The following CAMK1D variants were observed in gnomAD, a reference collection of about 807,000 sequenced individuals.
CAMK1D encodes calcium/calmodulin dependent protein kinase ID, also known as calcium/calmodulin-dependent protein kinase type 1D.
A neutral mutation model predicts 47.7 loss-of-function variants in CAMK1D; 9 were observed. The observed-to-expected ratio is 0.19, with a 90% CI of 0.11 to 0.33. The LOEUF is 0.33. Among genes scored for constraint, CAMK1D ranks in the 10% least tolerant of loss-of-function variants. CAMK1D has a pLI of 1.00. For missense variants in CAMK1D, 291 were observed against 488.7 expected, an observed-to-expected ratio of 0.60 and a Z score of 3.81; for synonymous variants, 184 against 184.9, an observed-to-expected ratio of 0.99 and a Z score of 0.04.
intron 2 of CAMK1D, among the ~76,000 whole-genome samples, chr10:12,645,806 A>T (rs1192484926): frequency 6.6e-6 from 1 of 152,170 alleles, no homozygotes; most frequent in Non-Finnish European, 1.5e-5. Flanking sequence ...TGAGTATTTA[A>T]AAAATAGCTT....
intron 2 of CAMK1D, among the ~76,000 whole-genome samples, chr10:12,648,773 T>G (rs2132504744): frequency 6.6e-6 from 1 of 152,296 alleles, no homozygotes; most frequent in East Asian, 1.9e-4. Flanking sequence ...ACCCGGTCTC[T>G]CTTTTTATTT....
intron 3 of CAMK1D, among the ~76,000 whole-genome samples, chr10:12,687,437 C>T (rs1054759423): frequency 7.9e-5 from 12 of 152,142 alleles, no homozygotes; most frequent in South Asian, 2.1e-4. Context: ...ATTCCCGTTA[C>T]GACTTCAATA....
chr10:12,734,004 G>A (rs1178353919), intron 3 of CAMK1D, among the ~76,000 whole-genome samples: 1 of 150,062 alleles, frequency 6.7e-6, no homozygotes, highest in Non-Finnish European at 1.5e-5. Context: ...TAGATCTCTT[G>A]TGCTTCCCCT....
intron 1 of CAMK1D, among the ~76,000 whole-genome samples, chr10:12,390,466 T>G (rs2131889502): frequency 6.6e-6 from 1 of 152,310 alleles, no homozygotes. Context: ...GTCTCTGTCT[T>G]TATCTCTGTC....
At position 12,825,682 on chromosome 10, in the gene CAMK1D, A is replaced by G. The variant is rs1281990165; in HGVS notation, c.1031A>G (p.Gln344Arg). Residue 344 changes from glutamine (Q) to arginine (R), a missense_variant, in exon 10 of 11, where the codon CAA becomes CGA. Gln to Arg is a conservative substitution (Grantham distance 43). This residue lies in a region of CAMK1D where 72 missense variants were observed against 64.4 expected (regional missense o/e 1.12). Coordinates refer to ENST00000619168, the MANE Select transcript of CAMK1D (RefSeq NM_153498.4). ...SVSSSLSLAS[Q>R]KDCLAPSTLC... ...TCGAGCAGCCTCAGTTTGGCCAGCC[A>G]AAAAGACTGTGCGTATGTAGCAAAA... is the stretch of plus-strand genomic sequence containing the variant. 1 of 1,614,254 alleles carries G rather than the reference A, an allele frequency of 6.2e-7. No homozygotes were observed. Among genetic ancestry groups the G allele is most frequent in the Non-Finnish European group, 8.5e-7 (1 of 1,180,034 alleles).
intron 1 of CAMK1D, among the ~76,000 whole-genome samples, chr10:12,458,136 C>T (rs185137898): frequency 7.9e-4 from 121 of 152,330 alleles, no homozygotes; most frequent in African/African-American, 2.6e-3. Context: ...TTCATTCATT[C>T]ATTCAATCTG....
intron 2 of CAMK1D, among the ~76,000 whole-genome samples, chr10:12,569,358 G>A (rs1381560789): frequency 6.6e-6 from 1 of 151,826 alleles, no homozygotes; most frequent in African/African-American, 2.4e-5. Context: ...TTGTTATTTC[G>A]AACTCTGTTT....
intron 1 of CAMK1D, among the ~76,000 whole-genome samples, chr10:12,520,795 A>G (rs1218364931): frequency 6.6e-5 from 3 of 45,662 alleles, no homozygotes; most frequent in African/African-American, 8.8e-5. Context: ...CAGGCGTGGC[A>G]GCGCGCGCCT....
chr10:12,776,304 C>G (rs1352486734), intron 5 of CAMK1D, among the ~76,000 whole-genome samples: 1 of 152,228 alleles, frequency 6.6e-6, no homozygotes, highest in Non-Finnish European at 1.5e-5. Context: ...GTGCAGTTGT[C>G]TTTGCTGGAG....
chr10:12,562,729 G>A (rs1312823967), intron 2 of CAMK1D, among the ~76,000 whole-genome samples: 2 of 152,112 alleles, frequency 1.3e-5, no homozygotes, highest in Non-Finnish European at 2.9e-5. Flanking sequence ...GAGATTCCAC[G>A]GCACCAAGGT....
intron 5 of CAMK1D, among the ~76,000 whole-genome samples, chr10:12,777,709 G>T (rs918008654): frequency 1.3e-5 from 2 of 152,108 alleles, no homozygotes; most frequent in Non-Finnish European, 2.9e-5. Flanking sequence ...GTGGCCCTGT[G>T]GTCAGAGGAA....
chr10:12,552,567 C>T (rs559641374), intron 1 of CAMK1D, among the ~76,000 whole-genome samples: 1 of 152,234 alleles, frequency 6.6e-6, no homozygotes, highest in African/African-American at 2.4e-5. Flanking sequence ...AGGATCCAGT[C>T]CTTTTCTGTA....
intron 3 of CAMK1D, among the ~76,000 whole-genome samples, chr10:12,693,676 C>G: frequency 6.6e-6 from 1 of 151,160 alleles, no homozygotes. Flanking sequence ...CTACCTGGCC[C>G]GCTCTGTTGA....
chr10:12,682,240 CAAAA>C (rs1236960216), intron 3 of CAMK1D, among the ~76,000 whole-genome samples: 1 of 133,802 alleles, frequency 7.5e-6, no homozygotes, highest in Non-Finnish European at 1.7e-5. Flanking sequence ...CAAAACAAAA[CAAAA>C]AAAAGTTAGT....
intron 2 of CAMK1D, among the ~76,000 whole-genome samples, chr10:12,557,551 CAAAAAAAA>C (rs5783273): frequency 3.8e-4 from 32 of 84,436 alleles, no homozygotes; most frequent in Middle Eastern, 5.2e-3. Context: ...GACTCCATCT[CAAAAAAAA>C]AAAAAAAAAA....
At position 12,779,822 on chromosome 10, in the gene CAMK1D, A is replaced by G. The variant is rs186469209; in HGVS notation, c.565+10023A>G. 1.2e-4 allele frequency among the ~76,000 whole-genome samples: 19 copies of G among 152,240 alleles called. No homozygotes were observed. In the East Asian group the frequency reaches 3.7e-3, roughly 29 times the overall value. ...ACAACCACAGCCACACTATTCCATT[A>G]CGGATGTCACTCAGAAATAAGAAGG... On this transcript the variant is annotated intron_variant, in intron 5 of 10. Transcript: ENST00000619168.
intron 1 of CAMK1D, among the ~76,000 whole-genome samples, chr10:12,461,163 C>T (rs1041563924): frequency 1.2e-4 from 19 of 152,292 alleles, no homozygotes; most frequent in Non-Finnish European, 2.2e-4. Flanking sequence ...TGAGACAACC[C>T]TGCCAGAGCA....
At chr10:12,730,004 G>A (rs907497529) in intron 3 of CAMK1D, among the ~76,000 whole-genome samples, 3 of 152,170 alleles carry the variant, frequency 2.0e-5, no homozygotes, top group African/African-American at 7.2e-5. Context: ...CAGAGCCGCT[G>A]GGAGATTTGG....
chr10:12,762,999 G>C lies in CAMK1D; in HGVS notation c.438+1913G>C, dbSNP rs114012757. ...GAAAAATAATTTCTAAGCAAATAAG[G>C]CATATCCAGGAGGGGCAGTGTTTAT... On this transcript the variant is annotated intron_variant, in intron 4 of 10. Transcript: ENST00000619168. 2.3e-3 allele frequency among the ~76,000 whole-genome samples: 351 copies of C among 152,290 alleles called. 2 individuals are homozygous for C. The highest frequency in any genetic ancestry group is 0.016 in the South Asian group (76 of 4,818).
Sources: allele counts gnomAD v4.1 joint callset (sites outside exome capture counted in the v4.1 genomes callset), GRCh38; gene constraint gnomAD v4.1.1; regional missense constraint gnomAD v4.1.1; transcripts MANE v1.5; gene names NCBI Gene and HGNC (gene_info 2026-07-23, HGNC 2026-07-21).